PLEKHA5: variants seen among roughly 807,000 people sequenced by gnomAD.
PLEKHA5 encodes the protein pleckstrin homology domain containing A5.
A neutral mutation model predicts 181.9 loss-of-function variants in PLEKHA5; 55 were observed. The observed-to-expected ratio is 0.30, with a 90% CI of 0.24 to 0.38. The LOEUF is 0.38. PLEKHA5 is among the 10% of genes least tolerant of loss of function. PLEKHA5 has a pLI of 1.00. For synonymous variants in PLEKHA5, 535 were observed against 529.4 expected (o/e 1.01, Z -0.15); for missense variants, 1,432 against 1,549.5 (o/e 0.92, Z 1.27).
At chr12:19,309,756 T>C (rs1273822055) in intron 15 of PLEKHA5, among the ~76,000 whole-genome samples, 1 of 149,332 alleles carries the variant, frequency 6.7e-6, no homozygotes, top group Non-Finnish European at 1.5e-5. Flanking sequence ...AAAAAAAAAA[T>C]AATAAAATCT....
At chr12:19,209,626 T>C (rs1021578947) in intron 3 of PLEKHA5, among the ~76,000 whole-genome samples, 2 of 152,170 alleles carry the variant, frequency 1.3e-5, no homozygotes, top group African/African-American at 2.4e-5. Flanking sequence ...CTTTGAAGAA[T>C]TGTAGCAGAA....
intron 25 of PLEKHA5, among the ~76,000 whole-genome samples, chr12:19,353,257 G>A (rs1013383006): frequency 2.0e-4 from 31 of 152,124 alleles, no homozygotes; most frequent in African/African-American, 5.3e-4. Context: ...GAGTTCAAGC[G>A]ATTCTCCTGC....
intron 15 of PLEKHA5, among the ~76,000 whole-genome samples, chr12:19,299,677 G>C (rs1466684299): frequency 1.3e-5 from 2 of 152,112 alleles, no homozygotes; most frequent in East Asian, 1.9e-4. Context: ...AGGGTTGTTA[G>C]GGATTAATTG....
At chr12:19,372,399 T>TG in intron 31 of PLEKHA5, 1 of 151,428 alleles carries the variant, frequency 6.6e-6, no homozygotes. Context: ...TTATTTGTTT[T>TG]TGTTTTTTTT....
chr12:19,151,384 T>C (rs1431520146), intron 3 of PLEKHA5: 1 of 152,104 alleles, frequency 6.6e-6, no homozygotes, highest in Non-Finnish European at 1.5e-5. Flanking sequence ...GAGAGAGGAA[T>C]TGGAGATAAA....
chr12:19,261,226 G>T (rs1294024556), intron 7 of PLEKHA5, among the ~76,000 whole-genome samples: 1 of 152,052 alleles, frequency 6.6e-6, no homozygotes, highest in Non-Finnish European at 1.5e-5. Flanking sequence ...ACCGTGTTTG[G>T]TCTGAGTTTT....
At position 19,359,648 on chromosome 12, in the gene PLEKHA5, A is replaced by G. The variant is rs1592628979; in HGVS notation, c.3483+102A>G. On this transcript the variant is annotated intron_variant, in intron 28 of 31. Transcript: ENST00000429027. ...TAAAGTGTGTTTCTTTCAGTCACAGAGTCCATAGAGCTAAATGAAAAAATA... is the reference window on the plus strand; with the variant it reads ...TAAAGTGTGTTTCTTTCAGTCACAGGGTCCATAGAGCTAAATGAAAAAATA... 13 of 1,161,656 alleles carry G rather than the reference A, an allele frequency of 1.1e-5. No individual in the cohort carries two copies. The Middle Eastern group carries it at 8.4e-4, about 75-fold the overall frequency. 72.0% of individuals were successfully genotyped at this position (1,161,656 alleles called of 1,614,324 possible). A position where few individuals can be genotyped will look rare whatever the true frequency, so the allele number is the denominator to read the frequency against.
chr12:19,344,281 A>G (rs2094157792), intron 22 of PLEKHA5, among the ~76,000 whole-genome samples: 1 of 152,152 alleles, frequency 6.6e-6, no homozygotes. Flanking sequence ...AGCTCTGTCA[A>G]CCATACCTAA....
At chr12:19,167,572 T>C (rs1416761603) in intron 3 of PLEKHA5, among the ~76,000 whole-genome samples, 1 of 152,034 alleles carries the variant, frequency 6.6e-6, no homozygotes, top group Non-Finnish European at 1.5e-5. Context: ...TTTTTTTATC[T>C]CATTTATTTC....
intron 27 of PLEKHA5, 33 bp from the exon 28 acceptor site, chr12:19,359,378 AT>A (rs751885569): frequency 6.3e-7 from 1 of 1,591,962 alleles, no homozygotes; most frequent in Non-Finnish European, 8.6e-7. Flanking sequence ...CATGCACAGT[AT>A]GAGTATAAAA....
At chr12:19,289,892 T>C (rs1464125136) in intron 13 of PLEKHA5, among the ~76,000 whole-genome samples, 1 of 152,010 alleles carries the variant, frequency 6.6e-6, no homozygotes, top group Non-Finnish European at 1.5e-5. Flanking sequence ...CCAAATTTAA[T>C]AATGTGAAGA....
chr12:19,162,975 ATATT>A (rs1261153870), intron 3 of PLEKHA5, among the ~76,000 whole-genome samples: 1 of 152,048 alleles, frequency 6.6e-6, no homozygotes, highest in East Asian at 1.9e-4. Context: ...AAAAAACCTA[ATATT>A]TATTTAGTGC....
chr12:19,204,688 ATTAT>A (rs2054984322), intron 3 of PLEKHA5, among the ~76,000 whole-genome samples: 1 of 152,164 alleles, frequency 6.6e-6, no homozygotes, highest in South Asian at 2.1e-4. Flanking sequence ...CTATAAATCA[ATTAT>A]TTAATATGTA....
intron 21 of PLEKHA5, among the ~76,000 whole-genome samples, chr12:19,338,345 C>T (rs934366105): frequency 2.0e-5 from 3 of 152,014 alleles, no homozygotes; most frequent in African/African-American, 7.2e-5. Context: ...ATCGGCTGGA[C>T]ACATTGGCTC....
At chr12:19,231,610 A>ATT in intron 3 of PLEKHA5, among the ~76,000 whole-genome samples, 1 of 148,176 alleles carries the variant, frequency 6.7e-6, no homozygotes, top group Non-Finnish European at 1.5e-5. Flanking sequence ...ATATATATAT[A>ATT]TAAATACTCA....
At chr12:19,288,656 G>T (rs557676449) in intron 13 of PLEKHA5, among the ~76,000 whole-genome samples, 16 of 152,116 alleles carry the variant, frequency 1.1e-4, no homozygotes, top group African/African-American at 2.6e-4. Context: ...ATATTTCCTT[G>T]CTTTAAGCTT....
Position 19,337,311 on chromosome 12 carries a change from C to T in PLEKHA5, c.2550+695C>T, listed in dbSNP as rs1290810974. 3.9e-5 allele frequency among the ~76,000 whole-genome samples: 6 copies of T among 152,016 alleles called. No homozygotes were observed. In the South Asian group the frequency reaches 6.2e-4, roughly 16 times the overall value. On this transcript the variant is annotated intron_variant, in intron 21 of 31. Transcript: ENST00000429027. ...CTCACGCCTATAGTCCCAGCACTTT[C>T]GGAGGCTGAAGTGGGTAGATCACCT... is the stretch of plus-strand genomic sequence containing the variant.
At chr12:19,299,224 T>C (rs375121305) in intron 15 of PLEKHA5, among the ~76,000 whole-genome samples, 1 of 152,254 alleles carries the variant, frequency 6.6e-6, no homozygotes, top group Non-Finnish European at 1.5e-5. Context: ...AACTGATGAC[T>C]TTAAACTGGA....
intron 20 of PLEKHA5, among the ~76,000 whole-genome samples, chr12:19,334,748 A>G (rs1225892973): frequency 6.9e-6 from 1 of 144,762 alleles, no homozygotes; most frequent in Non-Finnish European, 1.5e-5. Context: ...TGAGAGGCCA[A>G]GGCTGGTGGA....
Sources: gnomAD v4.1 joint callset for allele counts (sites outside exome capture counted in the v4.1 genomes callset) on GRCh38, gnomAD v4.1.1 for gene constraint, MANE v1.5 for transcripts, NCBI Gene and HGNC (gene_info 2026-07-23, HGNC 2026-07-21) for gene names.